The following TNIK variants were observed in gnomAD, a reference collection of about 807,000 sequenced individuals.
TNIK encodes the protein TRAF2 and NCK interacting kinase, also known as TRAF2 and NCK-interacting protein kinase.
A neutral mutation model predicts 191.3 loss-of-function variants in TNIK; 49 were observed. The ratio of observed to expected loss-of-function variants is 0.26; its 90% CI spans 0.20 to 0.32. The LOEUF is 0.32. Ranked by LOEUF, TNIK falls within the 10% of genes least tolerant of loss-of-function variation. The probability of loss-of-function intolerance (pLI) is 1.00; values close to 1 mark genes in which losing one functional copy is unlikely to be tolerated. For missense variants in TNIK, 1,155 were observed against 1,702.3 expected (o/e 0.68, Z 5.66); for synonymous variants, 594 against 600.9 (o/e 0.99, Z 0.17).
At chr3:171,341,081 A>G (rs1757454304) in intron 2 of TNIK, among the ~76,000 whole-genome samples, 1 of 152,220 alleles carries the variant, frequency 6.6e-6, no homozygotes, top group African/African-American at 2.4e-5. Flanking sequence ...CTATTAATGC[A>G]GTTGTAAATG....
intron 24 of TNIK, 57 bp downstream of exon 24, chr3:171,087,285 T>A: frequency 1.9e-6 from 3 of 1,604,534 alleles, no homozygotes; most frequent in Non-Finnish European, 2.6e-6. Flanking sequence ...AGATCATGGT[T>A]TTAGAACCCC....
Position 171,366,844 on chromosome 3 carries a change from T to C in TNIK, c.123+2776A>G, listed in dbSNP as rs939724332. Among the ~76,000 whole-genome samples the C allele has an allele frequency of 6.6e-6, 1 of 152,166 alleles. No individual in the cohort carries two copies. Among genetic ancestry groups the C allele is most frequent in the African/African-American group, 2.4e-5 (1 of 41,442 alleles). ...TGAATCATGGAGGCGGTTTCACCCA[T>C]CCTGTTCTCATGATAGTGAGTTAGT... On this transcript the variant is annotated intron_variant, in intron 2 of 32. Coordinates refer to ENST00000436636, the MANE Select transcript of TNIK (RefSeq NM_015028.4). The surrounding 1 kb of genome is among the most constrained non-coding windows in gnomAD (Gnocchi z 4.1).
intron 1 of TNIK, among the ~76,000 whole-genome samples, chr3:171,438,467 C>CCAGAAGA (rs1385161317): frequency 6.6e-6 from 1 of 152,170 alleles, no homozygotes; most frequent in African/African-American, 2.4e-5. Context: ...ACGATGACTC[C>CCAGAAGA]CAGAAGACAC....
At chr3:171,211,857 A>C (rs2108914874) in intron 3 of TNIK, among the ~76,000 whole-genome samples, 1 of 152,332 alleles carries the variant, frequency 6.6e-6, no homozygotes, top group African/African-American at 2.4e-5. Context: ...GGATGTAAAA[A>C]GAGACAACTC....
chr3:171,142,408 A>G (rs765891816), intron 12 of TNIK, among the ~76,000 whole-genome samples: 10 of 152,248 alleles, frequency 6.6e-5, no homozygotes, highest in African/African-American at 9.6e-5. Context: ...GCCAAGAGGA[A>G]TAAAGACTAA....
At chr3:171,142,552 C>T (rs1223813863) in intron 12 of TNIK, among the ~76,000 whole-genome samples, 1 of 152,136 alleles carries the variant, frequency 6.6e-6, no homozygotes, top group African/African-American at 2.4e-5. Context: ...GTGAAGTCCC[C>T]GGCCAAGGGG....
At chr3:171,424,603 A>C (rs1012685811) in intron 1 of TNIK, among the ~76,000 whole-genome samples, 1 of 152,152 alleles carries the variant, frequency 6.6e-6, no homozygotes, top group Non-Finnish European at 1.5e-5. Context: ...ACAGTGATAG[A>C]CTGGATTGAG....
intron 12 of TNIK, 22 bp downstream of exon 12, chr3:171,157,438 G>A (rs1335508275): frequency 1.3e-6 from 2 of 1,551,804 alleles, no homozygotes; most frequent in Middle Eastern, 1.8e-4. Context: ...TGGGGTCAGA[G>A]GTGGCCCGAG....
At chr3:171,287,758 A>G (rs2108222171) in intron 2 of TNIK, among the ~76,000 whole-genome samples, 1 of 152,298 alleles carries the variant, frequency 6.6e-6, no homozygotes, top group Middle Eastern at 3.4e-3. Flanking sequence ...TCCTTCCTTT[A>G]CATTTATTTG....
intron 2 of TNIK, among the ~76,000 whole-genome samples, chr3:171,270,161 A>G (rs1366226736): frequency 6.6e-6 from 1 of 152,146 alleles, no homozygotes; most frequent in African/African-American, 2.4e-5. Context: ...TAAGTTTAGA[A>G]GGAGCTACTC....
At chr3:171,333,056 A>G (rs958820829) in intron 2 of TNIK, among the ~76,000 whole-genome samples, 14 of 152,172 alleles carry the variant, frequency 9.2e-5, no homozygotes, top group African/African-American at 3.1e-4. Context: ...ATGTTCTTTG[A>G]TGTTACAGCC....
intron 8 of TNIK, 70 bp downstream of exon 8, chr3:171,177,256 C>T: frequency 6.6e-7 from 1 of 1,518,332 alleles, no homozygotes; most frequent in Non-Finnish European, 8.9e-7. Flanking sequence ...AACTGCAGCT[C>T]CTGGCAAGGA....
intron 12 of TNIK, among the ~76,000 whole-genome samples, chr3:171,147,580 A>C (rs1263107966): frequency 7.2e-5 from 11 of 152,180 alleles, no homozygotes; most frequent in African/African-American, 2.4e-4. Flanking sequence ...GCAGTCTGGC[A>C]CCTCTGAATT....
intron 21 of TNIK, among the ~76,000 whole-genome samples, chr3:171,105,342 T>C (rs1221148019): frequency 6.6e-6 from 1 of 152,164 alleles, no homozygotes. Context: ...GCAGCACCCC[T>C]CTGCTCTATC....
intron 2 of TNIK, among the ~76,000 whole-genome samples, chr3:171,324,205 A>G (rs1158812760): frequency 6.6e-6 from 1 of 152,090 alleles, no homozygotes; most frequent in South Asian, 2.1e-4. Context: ...CCAGGAACCT[A>G]TGGAGCATTT....
chr3:171,233,489 G>T (rs1743918165), intron 2 of TNIK, among the ~76,000 whole-genome samples: 1 of 152,098 alleles, frequency 6.6e-6, no homozygotes, highest in Non-Finnish European at 1.5e-5. Flanking sequence ...CATAGATGCT[G>T]CAGTGTGCCA....
At chr3:171,163,296 C>G (rs1234368475) in intron 10 of TNIK, among the ~76,000 whole-genome samples, 3 of 152,214 alleles carry the variant, frequency 2.0e-5, no homozygotes, top group East Asian at 1.9e-4. Context: ...TTACTCCTAT[C>G]TCTTCATAGC....
chr3:171,325,736 C>G (rs1006653163), intron 2 of TNIK, among the ~76,000 whole-genome samples: 3 of 152,158 alleles, frequency 2.0e-5, no homozygotes, highest in African/African-American at 7.2e-5. Context: ...GAGCCGATAA[C>G]AGTTTTCTGA....
intron 2 of TNIK, among the ~76,000 whole-genome samples, chr3:171,229,973 T>G (rs1743414357): frequency 6.6e-6 from 1 of 152,118 alleles, no homozygotes; most frequent in Non-Finnish European, 1.5e-5. Context: ...ACCGGCTGTG[T>G]CTGGGCCCTC....
Sources: allele counts gnomAD v4.1 joint callset (sites outside exome capture counted in the v4.1 genomes callset), GRCh38; gene constraint gnomAD v4.1.1; non-coding constraint Gnocchi (gnomAD v3.1); transcripts MANE v1.5; gene names NCBI Gene and HGNC (gene_info 2026-07-23, HGNC 2026-07-21).